The following CNGA3 variants were observed in gnomAD, a reference collection of about 807,000 sequenced individuals.
CNGA3 encodes cyclic nucleotide-gated channel alpha-3.
A neutral mutation model predicts 46.6 loss-of-function variants in CNGA3; 42 were observed. The ratio of observed to expected loss-of-function variants is 0.90; its 90% CI spans 0.70 to 1.17. The LOEUF (loss-of-function observed/expected upper bound fraction) is 1.17. CNGA3 is among the 50% of genes most tolerant of loss of function. CNGA3 has a pLI of 0.00. For missense variants in CNGA3, 893 were observed against 890.7 expected (o/e 1.00, Z -0.03); for synonymous variants, 394 against 369.4 (o/e 1.07, Z -0.76).
At chr2:98,392,497 G>T (rs539722092) in intron 7 of CNGA3, among the ~76,000 whole-genome samples, 1 of 151,794 alleles carries the variant, frequency 6.6e-6, no homozygotes, top group Non-Finnish European at 1.5e-5. Context: ...GGAGGTGGAG[G>T]TTGCAGTGAG....
chr2:98,383,573 C>T (rs1692584548), intron 5 of CNGA3, 132 bp downstream of exon 5: 1 of 878,752 alleles, frequency 1.1e-6, no homozygotes, highest in Admixed American at 2.0e-5. Flanking sequence ...ATTTTAGAAT[C>T]CTGTTCCCTT....
In CNGA3 at chr2:98,397,214, G is replaced by A; in HGVS notation, c.2044G>A (p.Val682Ile). Residue 682 changes from valine to isoleucine, a missense_variant, in exon 8 of 8, where the codon GTT becomes ATT. By Grantham distance (29) the Val-to-Ile change is conservative. This residue lies in a region of CNGA3 where 548 missense variants were observed against 570.8 expected (regional missense o/e 0.96). Coordinates refer to ENST00000272602, the MANE Select transcript of CNGA3 (RefSeq NM_001298.3). ...GGDKPLADGE[V>I]PGDATKTEDK... ...GGACAAGCCCCTGGCTGATGGGGAA[G>A]TTCCCGGGGATGCTACAAAAACAGA... The A allele has an allele frequency of 6.2e-7, 1 of 1,614,084 alleles. No homozygotes were observed. Among genetic ancestry groups the A allele is most frequent in the Middle Eastern group, 1.6e-4 (1 of 6,062 alleles).
intron 5 of CNGA3, among the ~76,000 whole-genome samples, chr2:98,388,338 T>C (rs1266396169): frequency 6.6e-6 from 1 of 152,234 alleles, no homozygotes; most frequent in Non-Finnish European, 1.5e-5. Context: ...GAGGAAGTAC[T>C]GAAGGAAGCT....
intron 4 of CNGA3, among the ~76,000 whole-genome samples, chr2:98,381,771 A>G (rs914399358): frequency 1.3e-5 from 2 of 152,140 alleles, no homozygotes; most frequent in African/African-American, 4.8e-5. Flanking sequence ...GCTGGCCCAG[A>G]CAAGTGCAGG....
At chr2:98,390,484 G>T (rs1692760235) in intron 6 of CNGA3, among the ~76,000 whole-genome samples, 1 of 152,084 alleles carries the variant, frequency 6.6e-6, no homozygotes, top group East Asian at 1.9e-4. Context: ...GAGGGATTGA[G>T]GGCCTCTCCT....
chr2:98,397,265 A>ATCTG lies in CNGA3; in HGVS notation c.*14_*17dup. On this transcript the variant is annotated 3_prime_UTR_variant, in exon 8 of 8. Coordinates refer to ENST00000272602, the MANE Select transcript of CNGA3 (RefSeq NM_001298.3). ...GGACAAACAACAGTGAAAATGCAGC[A>ATCTG]TCTGTCTCCTGCTTCACAGGGTCGA... 3 of 1,613,022 alleles carry ATCTG rather than the reference A, an allele frequency of 1.9e-6. No homozygotes were observed. Among genetic ancestry groups the ATCTG allele is most frequent in the Non-Finnish European group, 2.5e-6 (3 of 1,179,750 alleles).
At chr2:98,375,377 C>T (rs1223516635) in intron 2 of CNGA3, among the ~76,000 whole-genome samples, 3 of 152,214 alleles carry the variant, frequency 2.0e-5, no homozygotes, top group Admixed American at 6.5e-5. Flanking sequence ...CTTCCAGGCA[C>T]ACAGGCTGTG....
intron 5 of CNGA3, among the ~76,000 whole-genome samples, chr2:98,383,884 GTTGT>G (rs773655479): frequency 3.3e-5 from 5 of 150,672 alleles, no homozygotes; most frequent in Non-Finnish European, 5.9e-5. Flanking sequence ...TGTTGTTATT[GTTGT>G]TTGTTTGTTT....
intron 1 of CNGA3, among the ~76,000 whole-genome samples, chr2:98,352,892 A>G (rs748145138): frequency 7.9e-5 from 12 of 152,148 alleles, no homozygotes; most frequent in Non-Finnish European, 1.5e-4. Flanking sequence ...ATAATAAATC[A>G]TATGTATATA....
At chr2:98,348,604 C>T (rs766486565) in intron 1 of CNGA3, among the ~76,000 whole-genome samples, 2 of 152,206 alleles carry the variant, frequency 1.3e-5, no homozygotes, top group Non-Finnish European at 2.9e-5. Context: ...CACCTGAAAC[C>T]CCTGCTAATC....
chr2:98,364,174 T>A (rs1692094748), intron 1 of CNGA3, among the ~76,000 whole-genome samples: 2 of 152,246 alleles, frequency 1.3e-5, no homozygotes, highest in Middle Eastern at 3.4e-3. Flanking sequence ...GATCAGAAGT[T>A]CAAGACTAGC....
chr2:98,358,821 C>T (rs1227413396), intron 1 of CNGA3, among the ~76,000 whole-genome samples: 1 of 152,200 alleles, frequency 6.6e-6, no homozygotes, highest in Non-Finnish European at 1.5e-5. Flanking sequence ...CCCTGTCCTA[C>T]TCCAACCATT....
At chr2:98,374,413 G>A (rs539225322) in intron 2 of CNGA3, among the ~76,000 whole-genome samples, 6 of 152,276 alleles carry the variant, frequency 3.9e-5, no homozygotes, top group South Asian at 4.1e-4. Context: ...CAGCCCACAC[G>A]TGGGAGGGAA....
At chr2:98,377,596 A>G in intron 2 of CNGA3, 91 bp from the exon 3 acceptor site, 2 of 1,285,836 alleles carry the variant, frequency 1.6e-6, no homozygotes, top group Non-Finnish European at 2.2e-6. Flanking sequence ...TTCCCTGCTA[A>G]GCAGAACATC....
At chr2:98,361,534 G>T (rs1692032842) in intron 1 of CNGA3, among the ~76,000 whole-genome samples, 1 of 151,734 alleles carries the variant, frequency 6.6e-6, no homozygotes, top group Admixed American at 6.6e-5. Context: ...ATATTCTTTT[G>T]GGTATATAAC....
intron 1 of CNGA3, chr2:98,351,261 GA>G (rs1238354969): frequency 6.6e-6 from 1 of 152,236 alleles, no homozygotes; most frequent in Non-Finnish European, 1.5e-5. Context: ...GTAAAATGGG[GA>G]TGATATGGTT....
chr2:98,390,814 T>C (rs1286860961), intron 6 of CNGA3, among the ~76,000 whole-genome samples: 1 of 152,096 alleles, frequency 6.6e-6, no homozygotes, highest in Non-Finnish European at 1.5e-5. Flanking sequence ...ACACTGTTGG[T>C]CTTCTGAGGG....
chr2:98,365,119 C>A (rs1479992065), intron 1 of CNGA3, among the ~76,000 whole-genome samples: 1 of 151,770 alleles, frequency 6.6e-6, no homozygotes, highest in Non-Finnish European at 1.5e-5. Flanking sequence ...CTCACTGCAA[C>A]CTCCGCCTCC....
chr2:98,391,625 C>T (rs561527483), intron 6 of CNGA3, among the ~76,000 whole-genome samples: 2 of 152,124 alleles, frequency 1.3e-5, no homozygotes, highest in African/African-American at 2.4e-5. Context: ...GCAATGGGGC[C>T]GCTCTTTGGG....
Sources: gnomAD v4.1 joint callset for allele counts (sites outside exome capture counted in the v4.1 genomes callset) on GRCh38, gnomAD v4.1.1 for gene constraint, gnomAD v4.1.1 regional missense constraint, MANE v1.5 for transcripts, NCBI Gene and HGNC (gene_info 2026-07-23, HGNC 2026-07-21) for gene names.